The following PPP1R21 variants were observed in gnomAD, a reference collection of about 807,000 sequenced individuals.
The protein encoded by PPP1R21 is KLRAQ motif containing 1.
Under a neutral mutation model 112.8 loss-of-function variants are expected in PPP1R21, and 85 were observed. That is an observed-to-expected ratio of 0.75 (90% CI 0.63 to 0.90). PPP1R21 has a LOEUF of 0.90. PPP1R21 is among the 40% of genes least tolerant of loss of function. PPP1R21 has a pLI of 0.00. For synonymous variants in PPP1R21, 381 were observed against 322.3 expected, an observed-to-expected ratio of 1.18 and a Z score of -1.95; for missense variants, 1,199 against 901.5, an observed-to-expected ratio of 1.33 and a Z score of -4.23.
intron 17 of PPP1R21, among the ~76,000 whole-genome samples, chr2:48,502,676 C>CTTT (rs762811938): frequency 0.011 from 1,068 of 93,986 alleles, 56 homozygotes; most frequent in African/African-American, 0.032. Context: ...AGAAACTTTT[C>CTTT]TTTTTTTTTT....
chr2:48,446,623 T>C (rs1395789708), intron 1 of PPP1R21, among the ~76,000 whole-genome samples: 3 of 152,202 alleles, frequency 2.0e-5, no homozygotes, highest in South Asian at 2.1e-4. Flanking sequence ...ATTAAATAAC[T>C]AAAAATTTAT....
At chr2:48,504,646 C>G (rs188092003) in intron 17 of PPP1R21, among the ~76,000 whole-genome samples, 1 of 126,108 alleles carries the variant, frequency 7.9e-6, no homozygotes, top group Admixed American at 7.7e-5. Context: ...GTCTCAGAAA[C>G]AAACAAACAA....
intron 1 of PPP1R21, among the ~76,000 whole-genome samples, chr2:48,448,669 A>C (rs1667352076): frequency 2.0e-5 from 3 of 152,232 alleles, no homozygotes; most frequent in Admixed American, 1.3e-4. Flanking sequence ...TGGATTTGAA[A>C]GTATTTATTG....
intron 3 of PPP1R21, among the ~76,000 whole-genome samples, chr2:48,456,036 ATAG>A (rs1558430460): frequency 9.3e-5 from 1 of 10,726 alleles, no homozygotes; most frequent in East Asian, 1.4e-3. Flanking sequence ...AAAAAAAAAA[ATAG>A]TAGCAGTTGA....
At chr2:48,469,838 C>G (rs933323977) in intron 9 of PPP1R21, among the ~76,000 whole-genome samples, 1 of 151,806 alleles carries the variant, frequency 6.6e-6, no homozygotes, top group African/African-American at 2.4e-5. Context: ...ATTCAGAAAC[C>G]ATTTGTTAAA....
intron 1 of PPP1R21, among the ~76,000 whole-genome samples, chr2:48,446,779 C>G (rs920600344): frequency 6.6e-6 from 1 of 152,124 alleles, no homozygotes; most frequent in African/African-American, 2.4e-5. Flanking sequence ...GATTGATTTG[C>G]TCTGTCTCCT....
intron 13 of PPP1R21, among the ~76,000 whole-genome samples, chr2:48,483,320 T>C (rs1345849796): frequency 6.8e-6 from 1 of 146,460 alleles, no homozygotes; most frequent in Non-Finnish European, 1.5e-5. Context: ...TAGCTGGGAC[T>C]ACAGGTGTGC....
At chr2:48,500,911 C>CAA (rs201952981) in intron 17 of PPP1R21, among the ~76,000 whole-genome samples, 6 of 151,262 alleles carry the variant, frequency 4.0e-5, no homozygotes, top group South Asian at 4.2e-4. Flanking sequence ...TCTGTCTCTA[C>CAA]AAAAAAAAAC....
chr2:48,497,161 G>A (rs191127818), intron 16 of PPP1R21, among the ~76,000 whole-genome samples: 5 of 152,182 alleles, frequency 3.3e-5, no homozygotes, highest in African/African-American at 1.2e-4. Flanking sequence ...CTCACAATCT[G>A]TGGGATCTCA....
chr2:48,496,702 A>T (rs1232158599), intron 16 of PPP1R21, among the ~76,000 whole-genome samples: 1 of 152,168 alleles, frequency 6.6e-6, no homozygotes, highest in East Asian at 1.9e-4. Context: ...TCCTGACCTC[A>T]AGTGATCCCC....
chr2:48,499,300 G>A (rs1669992931), intron 17 of PPP1R21, among the ~76,000 whole-genome samples: 1 of 152,208 alleles, frequency 6.6e-6, no homozygotes, highest in South Asian at 2.1e-4. Flanking sequence ...TCCTCATGGT[G>A]AGGACTATGT....
intron 6 of PPP1R21, 44 bp downstream of exon 6, chr2:48,460,197 C>A: frequency 6.3e-7 from 1 of 1,595,658 alleles, no homozygotes; most frequent in South Asian, 1.1e-5. Context: ...AAGCAAGACT[C>A]AGAAGACATG....
rs1284881176 is a variant in PPP1R21 at position 48,515,043 on chromosome 2, A to C, written c.*299A>C. The C allele has an allele frequency of 2.9e-6, 1 of 346,948 alleles. No homozygotes were observed. Among genetic ancestry groups the C allele is most frequent in the Non-Finnish European group, 5.1e-6 (1 of 194,288 alleles). The allele number at this position is 346,948 out of a possible 1,614,324, so 21.5% of individuals were successfully genotyped here. ...TTTAAAATTAGGTTTTAATTTCAGT[A>C]TGTAAGAACAAATATTTTGTATACT... On this transcript the variant is annotated 3_prime_UTR_variant, in exon 22 of 22. Transcript: ENST00000294952.
At chr2:48,468,537 A>G (rs1035108242) in intron 9 of PPP1R21, among the ~76,000 whole-genome samples, 3 of 152,152 alleles carry the variant, frequency 2.0e-5, no homozygotes, top group African/African-American at 4.8e-5. Context: ...TTCTGACCAG[A>G]CACAGTAGCT....
At chr2:48,451,447 C>T (rs1352668863) in intron 2 of PPP1R21, among the ~76,000 whole-genome samples, 5 of 152,224 alleles carry the variant, frequency 3.3e-5, no homozygotes, top group African/African-American at 1.2e-4. Context: ...TCTCACTCAG[C>T]AGATGGCAGG....
chr2:48,510,168 G>A, intron 20 of PPP1R21, 55 bp downstream of exon 20: 2 of 1,335,710 alleles, frequency 1.5e-6, no homozygotes, highest in Admixed American at 2.0e-5. Context: ...AAGTTCTTTG[G>A]TAGCAAAGCA....
intron 11 of PPP1R21, among the ~76,000 whole-genome samples, chr2:48,471,965 C>A (rs1430900408): frequency 6.6e-6 from 1 of 151,994 alleles, no homozygotes; most frequent in South Asian, 2.1e-4. Context: ...CAAGGCCGGG[C>A]GCAGTGGCTC....
chr2:48,460,999 A>G (rs1667951887), intron 6 of PPP1R21, 139 bp from the exon 7 acceptor site: 2 of 1,370,350 alleles, frequency 1.5e-6, no homozygotes, highest in Non-Finnish European at 1.9e-6. Context: ...TCCTCTTTTA[A>G]CAACTCTCTG....
intron 19 of PPP1R21, among the ~76,000 whole-genome samples, chr2:48,508,280 A>T (rs1043088072): frequency 1.3e-5 from 2 of 152,212 alleles, no homozygotes; most frequent in African/African-American, 2.4e-5. Flanking sequence ...AAAGTCAGTT[A>T]TGGATGGCAG....
Sources: allele counts gnomAD v4.1 joint callset (sites outside exome capture counted in the v4.1 genomes callset), GRCh38; gene constraint gnomAD v4.1.1; transcripts MANE v1.5; gene names NCBI Gene and HGNC (gene_info 2026-07-23, HGNC 2026-07-21).